PALLD: variants seen among roughly 807,000 people sequenced by gnomAD.
PALLD encodes palladin.
PALLD carries 61 observed loss-of-function variants against 123.5 expected under a neutral mutation model. The observed-to-expected ratio is 0.49, with a 90% CI of 0.40 to 0.61. The LOEUF is 0.61. Among genes scored for constraint, PALLD ranks in the 20% least tolerant of loss-of-function variants. The probability of loss-of-function intolerance (pLI) is 0.00; values close to 1 mark genes in which losing one functional copy is unlikely to be tolerated. For synonymous variants in PALLD, 465 were observed against 496.4 expected (o/e 0.94, Z 0.84); for missense variants, 1,273 against 1,377.0 (o/e 0.92, Z 1.20).
intron 2 of PALLD, among the ~76,000 whole-genome samples, chr4:168,573,275 C>T (rs1769181795): frequency 6.6e-6 from 1 of 152,036 alleles, no homozygotes; most frequent in African/African-American, 2.4e-5. Context: ...GGATCCCTCC[C>T]CTACCCCATT....
chr4:168,907,878 A>G (rs1758139461), intron 15 of PALLD, among the ~76,000 whole-genome samples: 1 of 152,178 alleles, frequency 6.6e-6, no homozygotes. Flanking sequence ...GCATCACAGT[A>G]AACAGACCAG....
chr4:168,538,763 G>T (rs10023989), intron 2 of PALLD, among the ~76,000 whole-genome samples: 2 of 151,982 alleles, frequency 1.3e-5, no homozygotes, highest in East Asian at 1.9e-4. Context: ...ACCGGCAAAG[G>T]CTCCAAAAAT....
At chr4:168,532,617 T>C (rs749014747) in intron 2 of PALLD, among the ~76,000 whole-genome samples, 21 of 152,142 alleles carry the variant, frequency 1.4e-4, no homozygotes, top group Admixed American at 9.2e-4. Context: ...AAGTAAAAAT[T>C]TCAGAGGATT....
At chr4:168,889,444 G>A (rs986958845) in intron 10 of PALLD, among the ~76,000 whole-genome samples, 6 of 152,142 alleles carry the variant, frequency 3.9e-5, no homozygotes, top group Non-Finnish European at 7.4e-5. Flanking sequence ...GAATACAGGC[G>A]TGAGCCACCA....
chr4:168,788,212 A>G lies in PALLD; in HGVS notation c.1964+76289A>G, dbSNP rs1477431767. On this transcript the variant is annotated intron_variant, in intron 10 of 21. Coordinates refer to ENST00000505667, the MANE Select transcript of PALLD (RefSeq NM_001166108.2). The stretch of plus-strand genomic sequence containing the variant: ...TAAATCACAACCCAGGAATTTTCCA[A>G]AGTTCCTTACAAGTACTTTGAACTG... Among the ~76,000 whole-genome samples the G allele has an allele frequency of 4.8e-5, 7 of 145,776 alleles. No homozygotes were observed. The Admixed American group carries it at 5.0e-4, about 10-fold the overall frequency.
At chr4:168,631,487 G>C (rs1462546241) in intron 2 of PALLD, 14 of 472,060 alleles carry the variant, frequency 3.0e-5, no homozygotes, top group African/African-American at 4.2e-5. Flanking sequence ...TGCGATAAGA[G>C]CATGGAGTGA....
chr4:168,776,705 G>A (rs939859422), intron 10 of PALLD, among the ~76,000 whole-genome samples: 2 of 152,148 alleles, frequency 1.3e-5, no homozygotes, highest in African/African-American at 4.8e-5. Flanking sequence ...TTTTTTATCA[G>A]GATGTTGGAT....
At chr4:168,759,236 T>TATATAC (rs1202009451) in intron 10 of PALLD, among the ~76,000 whole-genome samples, 1 of 109,456 alleles carries the variant, frequency 9.1e-6, no homozygotes. Flanking sequence ...TATATATATA[T>TATATAC]ATATATATAG....
intron 10 of PALLD, among the ~76,000 whole-genome samples, chr4:168,755,125 T>G (rs569535758): frequency 1.3e-5 from 2 of 149,894 alleles, no homozygotes; most frequent in South Asian, 2.1e-4. Flanking sequence ...CTCAGCTACT[T>G]GGGAGGCTGA....
At chr4:168,706,545 G>A (rs532063732) in intron 8 of PALLD, among the ~76,000 whole-genome samples, 11 of 152,230 alleles carry the variant, frequency 7.2e-5, no homozygotes, top group Middle Eastern at 3.4e-3. Flanking sequence ...CCTAAGGAAC[G>A]TAACATTTTG....
chr4:168,585,016 A>G (rs1419626606), intron 2 of PALLD, among the ~76,000 whole-genome samples: 3 of 152,186 alleles, frequency 2.0e-5, no homozygotes, highest in Non-Finnish European at 4.4e-5. Flanking sequence ...ATATAATAAT[A>G]GTTATTTATG....
chr4:168,866,364 C>G (rs1750287227), intron 10 of PALLD, among the ~76,000 whole-genome samples: 1 of 151,800 alleles, frequency 6.6e-6, no homozygotes, highest in East Asian at 1.9e-4. Context: ...TTTTCTACCA[C>G]AAACGTGTTC....
intron 10 of PALLD, among the ~76,000 whole-genome samples, chr4:168,803,226 C>G (rs567306599): frequency 4.0e-4 from 61 of 152,180 alleles, no homozygotes; most frequent in African/African-American, 1.4e-3. Flanking sequence ...GGGAATCATA[C>G]AGTCGTGGTG....
At chr4:168,621,571 A>G (rs1774766055) in intron 2 of PALLD, among the ~76,000 whole-genome samples, 1 of 152,186 alleles carries the variant, frequency 6.6e-6, no homozygotes, top group African/African-American at 2.4e-5. Flanking sequence ...TTTGCTGTTT[A>G]TGGAAATATG....
intron 2 of PALLD, among the ~76,000 whole-genome samples, chr4:168,592,384 A>G (rs1435842606): frequency 6.6e-6 from 1 of 152,140 alleles, no homozygotes; most frequent in African/African-American, 2.4e-5. Flanking sequence ...ATATCATAGA[A>G]CATGTCTATG....
chr4:168,880,504 A>G lies in PALLD; in HGVS notation c.1965-10418A>G, dbSNP rs376917451. Among the ~76,000 whole-genome samples the G allele has an allele frequency of 3.3e-5, 5 of 152,314 alleles. No individual in the cohort carries two copies. The East Asian group carries it at 9.6e-4, about 29-fold the overall frequency. ...TTGCTAAATCACGCATACTTGAAGA[A>G]TTCATTATTTTGGTTTGATAAATGT... is the stretch of plus-strand genomic sequence containing the variant. On this transcript the variant is annotated intron_variant, in intron 10 of 21. Transcript: ENST00000505667.
At chr4:168,670,726 C>T (rs1327926215) in intron 3 of PALLD, among the ~76,000 whole-genome samples, 2 of 127,774 alleles carry the variant, frequency 1.6e-5, no homozygotes, top group South Asian at 2.4e-4. Context: ...GGCGACAGAG[C>T]GAGACTCCGT....
chr4:168,914,806 A>AG (rs1411042151), intron 16 of PALLD, among the ~76,000 whole-genome samples: 1 of 152,248 alleles, frequency 6.6e-6, no homozygotes, highest in Non-Finnish European at 1.5e-5. Flanking sequence ...CACAGAGAGT[A>AG]GGCAGGAAAA....
intron 2 of PALLD, among the ~76,000 whole-genome samples, chr4:168,583,469 TC>T (rs559588055): frequency 1.3e-5 from 2 of 152,054 alleles, no homozygotes; most frequent in Non-Finnish European, 2.9e-5. Flanking sequence ...CACAAAGAGC[TC>T]CCAGGGAGTA....
Sources: allele counts gnomAD v4.1 joint callset (sites outside exome capture counted in the v4.1 genomes callset), GRCh38; gene constraint gnomAD v4.1.1; transcripts MANE v1.5; gene names NCBI Gene and HGNC (gene_info 2026-07-23, HGNC 2026-07-21).